Variants in ASCC2 observed in about 807,000 individuals in gnomAD.
The protein encoded by ASCC2 is ASC-1 complex subunit P100.
In ASCC2, 42 loss-of-function variants were observed where a neutral mutation model predicts 93.5. The observed-to-expected ratio is 0.45, with a 90% CI of 0.35 to 0.58. The LOEUF (loss-of-function observed/expected upper bound fraction) is 0.58, where lower values mean the gene tolerates loss of function less well. Ranked by LOEUF, ASCC2 falls within the 20% of genes least tolerant of loss-of-function variation. The pLI, the probability that ASCC2 is intolerant of heterozygous loss-of-function variation, is 0.00. For synonymous variants in ASCC2, 364 were observed against 384.2 expected, an observed-to-expected ratio of 0.95 and a Z score of 0.62; for missense variants, 859 against 977.6, an observed-to-expected ratio of 0.88 and a Z score of 1.62.
intron 13 of ASCC2, among the ~76,000 whole-genome samples, 169 bp downstream of exon 13, chr22:29,804,469 C>T (rs370154568): frequency 6.6e-6 from 1 of 152,168 alleles, no homozygotes; most frequent in African/African-American, 2.4e-5. Flanking sequence ...AGCTTGGGAC[C>T]CTCTAAAGGC....
chr22:29,806,950 C>T, intron 9 of ASCC2, 46 bp from the exon 10 acceptor site: 1 of 1,475,470 alleles, frequency 6.8e-7, no homozygotes, highest in Middle Eastern at 1.9e-4. Context: ...ACAAAAAGGC[C>T]CTGAGGGGCC....
At chr22:29,832,882 A>AC in intron 1 of ASCC2, among the ~76,000 whole-genome samples, 1 of 152,160 alleles carries the variant, frequency 6.6e-6, no homozygotes, top group East Asian at 1.9e-4. Context: ...CTGGGACTAC[A>AC]GGCATGCACC....
chr22:29,811,219 T>C (rs746295052), intron 8 of ASCC2, among the ~76,000 whole-genome samples: 6 of 152,240 alleles, frequency 3.9e-5, no homozygotes, highest in Non-Finnish European at 7.3e-5. Context: ...ACTCATAATA[T>C]GCCAGCCTTA....
chr22:29,826,828 T>C (rs2062399223), intron 2 of ASCC2, among the ~76,000 whole-genome samples: 1 of 152,052 alleles, frequency 6.6e-6, no homozygotes, highest in Non-Finnish European at 1.5e-5. Flanking sequence ...CCAGGCACAG[T>C]GGCTCATGCC....
chr22:29,812,570 C>T (rs900702833), intron 8 of ASCC2, among the ~76,000 whole-genome samples: 2 of 152,222 alleles, frequency 1.3e-5, no homozygotes, highest in South Asian at 4.1e-4. Flanking sequence ...AGGCTCCCCA[C>T]GATCTGACTT....
chr22:29,800,765 CAG>C (rs2058989524), intron 15 of ASCC2, among the ~76,000 whole-genome samples: 1 of 152,160 alleles, frequency 6.6e-6, no homozygotes, highest in Non-Finnish European at 1.5e-5. Flanking sequence ...TTGCTATCAA[CAG>C]GGGGGATTCA....
At chr22:29,791,931 T>C (rs1189051070) in intron 18 of ASCC2, among the ~76,000 whole-genome samples, 1 of 152,174 alleles carries the variant, frequency 6.6e-6, no homozygotes, top group Non-Finnish European at 1.5e-5. Context: ...CACCCTGGTG[T>C]GGGGCATGAT....
chr22:29,813,549 C>T lies in ASCC2; in HGVS notation c.721-7G>A, dbSNP rs753582218. The T allele has an allele frequency of 3.8e-5, 60 of 1,566,756 alleles. No homozygotes were observed. Among genetic ancestry groups the T allele is most frequent in the Admixed American group, 5.0e-5 (3 of 59,852 alleles). ...GAACAATGTCCTTTAATTCCTGTTG[C>T]CAAAAGAATACACTGCATTATTCTC... On this transcript the variant is annotated splice_polypyrimidine_tract_variant and splice_region_variant and intron_variant, in intron 7 of 19. Coordinates refer to ENST00000307790, the MANE Select transcript of ASCC2 (RefSeq NM_032204.5).
At chr22:29,807,673 T>A (rs894619425) in intron 9 of ASCC2, among the ~76,000 whole-genome samples, 5 of 152,060 alleles carry the variant, frequency 3.3e-5, no homozygotes, top group African/African-American at 1.2e-4. Context: ...ATATTTTTTT[T>A]AATATGCTAA....
chr22:29,832,734 C>T (rs2063315574), intron 1 of ASCC2, among the ~76,000 whole-genome samples: 1 of 151,690 alleles, frequency 6.6e-6, no homozygotes, highest in Non-Finnish European at 1.5e-5. Context: ...TGCAAGCACA[C>T]ACCACCATGC....
intron 15 of ASCC2, among the ~76,000 whole-genome samples, chr22:29,797,746 G>C (rs1305907953): frequency 1.3e-5 from 2 of 152,196 alleles, no homozygotes; most frequent in Admixed American, 6.5e-5. Context: ...CAAGGGCACA[G>C]ACACTTAAAA....
In ASCC2 at chr22:29,814,658, A is replaced by G; in HGVS notation, c.719T>C (p.Leu240Pro). ...GRLTPSDMPL[L>P]ELKDIVLYLC... ...GACTGGGCCGAAGGGCAACCTTACC[A>G]GGAGAGGCATGTCACTGGGGGTCAA... Residue 240 changes from leucine (L) to proline (P), a missense_variant and splice_region_variant, in exon 7 of 20, where the codon CTG becomes CCG. Coordinates refer to ENST00000307790, the MANE Select transcript of ASCC2 (RefSeq NM_032204.5). The G allele has an allele frequency of 6.3e-7, 1 of 1,595,608 alleles. No individual in the cohort carries two copies.
chr22:29,804,705 C>T lies in ASCC2; in HGVS notation c.1286G>A (p.Gly429Glu). 6.2e-7 allele frequency: 1 copy of T among 1,614,092 alleles called. No individual in the cohort carries two copies. The highest frequency in any genetic ancestry group is 8.5e-7 in the Non-Finnish European group (1 of 1,180,010). ...VIEEPNGEPN[G>E]VTVTAEAVSQ... Reference sequence around the variant, plus strand: ...GACTGCCTCTGCTGTCACCGTGACCCCGTTAGGCTCCCCATTAGGCTCCTC... The same window carrying T: ...GACTGCCTCTGCTGTCACCGTGACCTCGTTAGGCTCCCCATTAGGCTCCTC... Residue 429 changes from glycine to glutamate, a missense_variant, in exon 13 of 20, where the codon GGG (glycine) becomes GAG (glutamate). Coordinates refer to ENST00000307790, the MANE Select transcript of ASCC2 (RefSeq NM_032204.5).
intron 2 of ASCC2, among the ~76,000 whole-genome samples, chr22:29,830,015 G>A (rs911800904): frequency 3.3e-5 from 5 of 152,128 alleles, no homozygotes; most frequent in South Asian, 2.1e-4. Context: ...GGAGCTGCCC[G>A]TGGCCTTCAG....
intron 5 of ASCC2, chr22:29,822,054 C>T (rs1312093699): frequency 4.9e-6 from 2 of 407,882 alleles, no homozygotes; most frequent in Non-Finnish European, 4.7e-6. Flanking sequence ...CAACTTCTGC[C>T]TCCCAGGTTC....
At chr22:29,830,344 G>T (rs1046919535) in intron 2 of ASCC2, among the ~76,000 whole-genome samples, 16 of 152,150 alleles carry the variant, frequency 1.1e-4, no homozygotes, top group African/African-American at 3.6e-4. Flanking sequence ...AAATGAACAC[G>T]AAGCCTGTAC....
chr22:29,793,322 T>C (rs1394742191), intron 17 of ASCC2, 38 bp downstream of exon 17: 2 of 1,609,984 alleles, frequency 1.2e-6, no homozygotes, highest in African/African-American at 1.3e-5. Flanking sequence ...GCCTGAGAGC[T>C]GCTCTGCCCT....
At chr22:29,810,002 A>C (rs2060108126) in intron 8 of ASCC2, 1 of 151,920 alleles carries the variant, frequency 6.6e-6, no homozygotes, top group Non-Finnish European at 1.5e-5. Context: ...CCCTTTCCCA[A>C]CTCAAATTCA....
Position 29,825,502 on chromosome 22 carries a change from A to G in ASCC2, c.240+120T>C, listed in dbSNP as rs750860383. 2.4e-5 allele frequency: 33 copies of G among 1,375,116 alleles called. No homozygotes were observed. The highest frequency in any genetic ancestry group is 3.4e-5 in the Non-Finnish European group (33 of 976,448). The allele number at this position is 1,375,116 out of a possible 1,614,324, so 85.2% of individuals were successfully genotyped here. A position where few individuals can be genotyped will look rare whatever the true frequency, so the allele number is the denominator to read the frequency against. ...GCAATCCGAACCACAATTTGCTGTTAAGGATCCAGTGAAAGAAGTAGACAA... is the reference window on the plus strand; with the variant it reads ...GCAATCCGAACCACAATTTGCTGTTGAGGATCCAGTGAAAGAAGTAGACAA... On this transcript the variant is annotated intron_variant, in intron 3 of 19. Transcript: ENST00000307790. The surrounding 1 kb of genome is among the most constrained non-coding windows in gnomAD (Gnocchi z 4.9).
Sources: gnomAD v4.1 joint callset for allele counts (sites outside exome capture counted in the v4.1 genomes callset) on GRCh38, gnomAD v4.1.1 for gene constraint, Gnocchi (gnomAD v3.1) non-coding constraint, MANE v1.5 for transcripts, NCBI Gene and HGNC (gene_info 2026-07-23, HGNC 2026-07-21) for gene names.